ATN1: variants seen among roughly 807,000 people sequenced by gnomAD.
ATN1 encodes atrophin 1, also known as atrophin-1.
In ATN1, 19 loss-of-function variants were observed where a neutral mutation model predicts 85.8. That is an observed-to-expected ratio of 0.22 (90% CI 0.15 to 0.32). The LOEUF is 0.32. Ranked by LOEUF, ATN1 falls within the 10% of genes least tolerant of loss-of-function variation. ATN1 has a pLI of 1.00. For missense variants in ATN1, 1,453 were observed against 1,564.5 expected (o/e 0.93, Z 1.20); for synonymous variants, 674 against 657.0 (o/e 1.03, Z -0.39).
At chr12:6,931,587 G>C (rs1434751596) in intron 1 of ATN1, among the ~76,000 whole-genome samples, 1 of 151,418 alleles carries the variant, frequency 6.6e-6, no homozygotes, top group Non-Finnish European at 1.5e-5. Context: ...GGTGGTGTGC[G>C]CTTGTAATCC....
chr12:6,934,497 G>A lies in ATN1; in HGVS notation c.198G>A (p.Lys66=), dbSNP rs1555143350. The A allele has an allele frequency of 2.5e-6, 4 of 1,591,608 alleles. No individual in the cohort carries two copies. Among genetic ancestry groups the A allele is most frequent in the Non-Finnish European group, 3.4e-6 (4 of 1,168,560 alleles). ...KARVEEASTP[K]VNKQGRSEEI... is the part of the protein sequence containing the mutation. ...GAGTAGAGGAAGCCTCCACCCCAAA[G>A]GTCAACAAGCAGGGTCGGAGTGAGG... is the stretch of plus-strand genomic sequence containing the variant. The change falls in exon 4 of 10, where the codon AAG becomes AAA. Residue 66 remains lysine, a synonymous_variant. Coordinates refer to ENST00000396684, the MANE Select transcript of ATN1 (RefSeq NM_001940.4). This position sits in a 1 kb window ranked among gnomAD's most constrained non-coding sequence, Gnocchi z 4.5.
chr12:6,938,782 G>C lies in ATN1; in HGVS notation c.2819G>C (p.Arg940Pro). The C allele has an allele frequency of 3.1e-6, 5 of 1,614,078 alleles. No individual in the cohort carries two copies. The highest frequency in any genetic ancestry group is 4.2e-6 in the Non-Finnish European group (5 of 1,180,030). ...GAGAGGGAACGGGAAGCCCGTGAAC[G>C]AGACCTCCGTGACCGCCTCAAGCCT... ...AREREREARE[R>P]DLRDRLKPGF... Residue 940 changes from arginine (R) to proline (P), a missense_variant, in exon 7 of 10, where the codon CGA becomes CCA. By Grantham distance (103) the Arg-to-Pro change is moderately radical. Coordinates refer to ENST00000396684, the MANE Select transcript of ATN1 (RefSeq NM_001940.4).
chr12:6,939,066 G>A lies in ATN1; in HGVS notation c.3103G>A (p.Gly1035Ser). Residue 1035 changes from glycine to serine, a missense_variant, in exon 7 of 10, where the codon GGC becomes AGC. Physicochemically the swap from Gly to Ser is moderately conservative, Grantham distance 56. Coordinates refer to ENST00000396684, the MANE Select transcript of ATN1 (RefSeq NM_001940.4). ...GCACGCAGAAAGGGTGGCGGCCCTG[G>A]GCAATGACCCACTGGCCCGGCTGCA... ...RQHAERVAAL[G>S]NDPLARLQML... 6.2e-7 allele frequency: 1 copy of A among 1,604,802 alleles called. No homozygotes were observed. Among genetic ancestry groups the A allele is most frequent in the Non-Finnish European group, 8.5e-7 (1 of 1,179,972 alleles).
upstream of ATN1, among the ~76,000 whole-genome samples, chr12:6,925,689 T>TC (rs1555142525): frequency 6.6e-6 from 1 of 152,216 alleles, no homozygotes; most frequent in Non-Finnish European, 1.5e-5. Flanking sequence ...CTCTGGAATC[T>TC]TGTTTAGAGC....
rs1555143994 is a variant in ATN1, at chr12:6,937,486, C to A, written c.2219C>A (p.Pro740Gln). The A allele has an allele frequency of 6.5e-7, 1 of 1,545,870 alleles. No homozygotes were observed. The highest frequency in any genetic ancestry group is 2.4e-5 in the East Asian group (1 of 41,000). ...GAGGAGTATGAGACCCCCGAGAGCC[C>A]GGTGCCCCCAGCCCGCAGCCCCTCG... ...PAEEYETPES[P>Q]VPPARSPSPP... Residue 740 changes from proline to glutamine, a missense_variant, in exon 5 of 10, where the codon CCG (proline) becomes CAG (glutamine). Pro to Gln is a moderately conservative substitution (Grantham distance 76). Around this residue, in one of 6 missense-constraint regions of ATN1, gnomAD observed 990 missense variants for 914.8 expected, o/e 1.08. Coordinates refer to ENST00000396684, the MANE Select transcript of ATN1 (RefSeq NM_001940.4). The surrounding 1 kb of genome is among the most constrained non-coding windows in gnomAD (Gnocchi z 6.0).
Position 6,941,240 on chromosome 12 carries a change from A to G in ATN1, c.3359-134A>G. Reference sequence around the variant, plus strand: ...ATCCCAATTCCACCCTACCACTGGCAACTTACAGAACTGGGTGTGTTACCT... The same window carrying G: ...ATCCCAATTCCACCCTACCACTGGCGACTTACAGAACTGGGTGTGTTACCT... On this transcript the variant is annotated intron_variant, in intron 8 of 9. Coordinates refer to ENST00000396684, the MANE Select transcript of ATN1 (RefSeq NM_001940.4). The surrounding 1 kb of genome is among the most constrained non-coding windows in gnomAD (Gnocchi z 5.9). 1.6e-6 allele frequency: 2 copies of G among 1,253,420 alleles called. No individual in the cohort carries two copies. Among genetic ancestry groups the G allele is most frequent in the African/African-American group, 1.5e-5 (1 of 66,552 alleles). The allele number at this position is 1,253,420 out of a possible 1,614,324, so 77.6% of individuals were successfully genotyped here.
chr12:6,934,109 A>C lies in ATN1; in HGVS notation c.28-67A>C. 2 of 1,613,802 alleles carry C rather than the reference A, an allele frequency of 1.2e-6. No individual in the cohort carries two copies. Among genetic ancestry groups the C allele is most frequent in the Non-Finnish European group, 1.7e-6 (2 of 1,179,756 alleles). ...AAGGGTCTAGAGAAGAAGAACAAATAATGTGCACCATAAAGTTAGGTGCAA... is the reference window on the plus strand; with the variant it reads ...AAGGGTCTAGAGAAGAAGAACAAATCATGTGCACCATAAAGTTAGGTGCAA... On this transcript the variant is annotated intron_variant, in intron 2 of 9. Coordinates refer to ENST00000396684, the MANE Select transcript of ATN1 (RefSeq NM_001940.4). The surrounding 1 kb of genome is among the most constrained non-coding windows in gnomAD (Gnocchi z 4.5).
rs1945507084 is a variant in ATN1, at chr12:6,934,531, G to C, written c.232G>C (p.Glu78Gln). ...GCAGGGTCGGAGTGAGGAGATCTCA[G>C]AGAGTGAAAGTGAGGAGACCAATGC... ...NKQGRSEEISESESEETNAPK... is the reference protein window; with the variant it reads ...NKQGRSEEISQSESEETNAPK... Residue 78 changes from glutamate (E) to glutamine (Q), a missense_variant, in exon 4 of 10, where the codon GAG becomes CAG. By Grantham distance (29) the Glu-to-Gln change is conservative (BLOSUM62 2). Coordinates refer to ENST00000396684, the MANE Select transcript of ATN1 (RefSeq NM_001940.4). This position sits in a 1 kb window ranked among gnomAD's most constrained non-coding sequence, Gnocchi z 4.5. 1 of 1,579,388 alleles carries C rather than the reference G, an allele frequency of 6.3e-7. No homozygotes were observed. The highest frequency in any genetic ancestry group is 8.6e-7 in the Non-Finnish European group (1 of 1,161,906).
At position 6,936,120 on chromosome 12, in the gene ATN1, C is replaced by CTACCTTCTG; in HGVS notation, c.854_862dup (p.Ser287_Ala288insValProSer). ...TACCACTCCAGTGGGTGGTGGGAAC[C>CTACCTTCTG]TACCTTCTGCTCCACCACCAGCCAA... is the stretch of plus-strand genomic sequence containing the variant. On this transcript the variant is annotated inframe_insertion, in exon 5 of 10. Transcript: ENST00000396684. The CTACCTTCTG allele has an allele frequency of 6.5e-7, 1 of 1,530,232 alleles. No individual in the cohort carries two copies. Among genetic ancestry groups the CTACCTTCTG allele is most frequent in the South Asian group, 1.3e-5 (1 of 77,006 alleles). 94.8% of individuals were successfully genotyped at this position (1,530,232 alleles called of 1,614,324 possible).
chr12:6,927,973 A>G lies in ATN1; in HGVS notation c.-574A>G, dbSNP rs1945415712. ...GCGGGGGCCGCGGGCGAGGCGGCCG[A>G]GGGGCCCGGGATCGCGCGGGTGCGG... On this transcript the variant is annotated 5_prime_UTR_variant, in exon 1 of 10. Coordinates refer to ENST00000396684, the MANE Select transcript of ATN1 (RefSeq NM_001940.4). 7.2e-6 allele frequency among the ~76,000 whole-genome samples: 1 copy of G among 139,610 alleles called. No individual in the cohort carries two copies. The highest frequency in any genetic ancestry group is 7.0e-5 in the Admixed American group (1 of 14,322). 91.6% of individuals were successfully genotyped at this position (139,610 alleles called of 152,430 possible). A position where few individuals can be genotyped will look rare whatever the true frequency, so the allele number is the denominator to read the frequency against.
chr12:6,937,100 G>A lies in ATN1; in HGVS notation c.1833G>A (p.Ser611=). 1 of 1,612,332 alleles carries A rather than the reference G, an allele frequency of 6.2e-7. No individual in the cohort carries two copies. The highest frequency in any genetic ancestry group is 1.3e-5 in the African/African-American group (1 of 74,994). ...FPPVPTVTTS[S]ATLSTVIATV... Reference sequence around the variant, plus strand: ...CGGTGCCTACGGTCACCACCTCTTCGGCTACCCTTTCCACGGTCATTGCCA... The same window carrying A: ...CGGTGCCTACGGTCACCACCTCTTCAGCTACCCTTTCCACGGTCATTGCCA... The change falls in exon 5 of 10, where the codon TCG becomes TCA. Residue 611 remains serine (S), a synonymous_variant. Coordinates refer to ENST00000396684, the MANE Select transcript of ATN1 (RefSeq NM_001940.4). This position sits in a 1 kb window ranked among gnomAD's most constrained non-coding sequence, Gnocchi z 6.0.
At position 6,934,430 on chromosome 12, in the gene ATN1, G is replaced by A; in HGVS notation, c.166-35G>A. The A allele has an allele frequency of 1.9e-6, 3 of 1,600,114 alleles. No individual in the cohort carries two copies. Among genetic ancestry groups the A allele is most frequent in the Non-Finnish European group, 2.6e-6 (3 of 1,172,534 alleles). On this transcript the variant is annotated intron_variant, in intron 3 of 9. Transcript: ENST00000396684. The surrounding 1 kb of genome is among the most constrained non-coding windows in gnomAD (Gnocchi z 4.5). ...GGTAACGGTGGAGCTCGGGAGGTAG[G>A]GAAAAGACAGGAATTTTCTCTTTCT...
At position 6,935,961 on chromosome 12, in the gene ATN1, C is replaced by G; in HGVS notation, c.694C>G (p.Pro232Ala). 1 of 1,591,332 alleles carries G rather than the reference C, an allele frequency of 6.3e-7. No homozygotes were observed. The highest frequency in any genetic ancestry group is 8.6e-7 in the Non-Finnish European group (1 of 1,167,656). ...CACTGGTGGAGTTTTGTCTGGACCCCCAATGGGTCCCAAGGGGGGAGGGGC... is the reference window on the plus strand; with the variant it reads ...CACTGGTGGAGTTTTGTCTGGACCCGCAATGGGTCCCAAGGGGGGAGGGGC... ...GGTGGVLSGP[P>A]MGPKGGGAAS... is the part of the protein sequence containing the mutation. The change falls in exon 5 of 10, where the codon CCA becomes GCA. Residue 232 changes from proline to alanine, a missense_variant. Pro to Ala is a conservative substitution (Grantham distance 27). Transcript: ENST00000396684. This position sits in a 1 kb window ranked among gnomAD's most constrained non-coding sequence, Gnocchi z 5.3.
chr12:6,928,914 G>A (rs1945430566), intron 1 of ATN1, among the ~76,000 whole-genome samples: 1 of 152,168 alleles, frequency 6.6e-6, no homozygotes, highest in South Asian at 2.1e-4. Context: ...GTGGTAGGTG[G>A]AAAGAGGGAT....
intron 1 of ATN1, among the ~76,000 whole-genome samples, chr12:6,931,755 C>G (rs1456381381): frequency 1.0e-4 from 15 of 150,664 alleles, no homozygotes; most frequent in Non-Finnish European, 1.3e-4. Context: ...ACTAGTTGGC[C>G]GGGCACAGTG....
At position 6,934,243 on chromosome 12, in the gene ATN1, G is replaced by A; in HGVS notation, c.95G>A (p.Arg32Gln). 1 of 1,587,428 alleles carries A rather than the reference G, an allele frequency of 6.3e-7. No homozygotes were observed. Among genetic ancestry groups the A allele is most frequent in the Non-Finnish European group, 8.5e-7 (1 of 1,173,558 alleles). ...GPREELRSRG[R>Q]ASPGGVSTSS... ...CGGGAAGAACTGAGATCGAGGGGCCGGGCCTCCCCTGGAGGGGTCAGCACG... is the reference window on the plus strand; with the variant it reads ...CGGGAAGAACTGAGATCGAGGGGCCAGGCCTCCCCTGGAGGGGTCAGCACG... Residue 32 changes from arginine to glutamine, a missense_variant, in exon 3 of 10, where the codon CGG becomes CAG. Coordinates refer to ENST00000396684, the MANE Select transcript of ATN1 (RefSeq NM_001940.4). This position sits in a 1 kb window ranked among gnomAD's most constrained non-coding sequence, Gnocchi z 4.5.
In ATN1 at chr12:6,936,069, A is replaced by G. The variant is rs143136221; in HGVS notation, c.802A>G (p.Ser268Gly). 5 of 1,542,272 alleles carry G rather than the reference A, an allele frequency of 3.2e-6. No homozygotes were observed. The highest frequency in any genetic ancestry group is 3.5e-6 in the Non-Finnish European group (4 of 1,145,408). Reference protein sequence around the residue: ...TPISVSSSGASGAPPTKPPTT... With the variant: ...TPISVSSSGAGGAPPTKPPTT... ...CATTTCAGTATCAAGCTCTGGGGCTAGTGGTGCTCCCCCAACAAAGCCGCC... is the reference window on the plus strand; with the variant it reads ...CATTTCAGTATCAAGCTCTGGGGCTGGTGGTGCTCCCCCAACAAAGCCGCC... The change falls in exon 5 of 10, where the codon AGT becomes GGT. Residue 268 changes from serine to glycine, a missense_variant. By Grantham distance (56) the Ser-to-Gly change is moderately conservative (BLOSUM62 0). Around this residue, in one of 6 missense-constraint regions of ATN1, gnomAD observed 990 missense variants for 914.8 expected, o/e 1.08. Transcript: ENST00000396684.
At position 6,941,713 on chromosome 12, in the gene ATN1, C is replaced by G. The variant is rs782307276; in HGVS notation, c.3540-34C>G. The G allele has an allele frequency of 5.6e-6, 9 of 1,612,794 alleles. No individual in the cohort carries two copies. Among genetic ancestry groups the G allele is most frequent in the Non-Finnish European group, 7.6e-6 (9 of 1,178,826 alleles). The stretch of plus-strand genomic sequence containing the variant: ...CAAGGTCAGAGTTGGTCTCAAGTCT[C>G]TTACCTCTCTGCTATGCACTGCCCC... On this transcript the variant is annotated intron_variant, in intron 9 of 9. Coordinates refer to ENST00000396684, the MANE Select transcript of ATN1 (RefSeq NM_001940.4). This position sits in a 1 kb window ranked among gnomAD's most constrained non-coding sequence, Gnocchi z 5.9.
At position 6,935,385 on chromosome 12, in the gene ATN1, T is replaced by G. The variant is rs183101318; in HGVS notation, c.280-162T>G. 6.6e-6 allele frequency among the ~76,000 whole-genome samples: 1 copy of G among 151,838 alleles called. No individual in the cohort carries two copies. Among genetic ancestry groups the G allele is most frequent in the East Asian group, 1.9e-4 (1 of 5,174 alleles). On this transcript the variant is annotated intron_variant, in intron 4 of 9. Transcript: ENST00000396684. The surrounding 1 kb of genome is among the most constrained non-coding windows in gnomAD (Gnocchi z 5.3). The stretch of plus-strand genomic sequence containing the variant: ...GGAGCAGCCAAGAATGTGAGGAAAG[T>G]GAGAAATCCCCAGATGGTAAGAGGT...
Sources: allele counts gnomAD v4.1 joint callset (sites outside exome capture counted in the v4.1 genomes callset), GRCh38; gene constraint gnomAD v4.1.1; regional missense constraint gnomAD v4.1.1; non-coding constraint Gnocchi (gnomAD v3.1); transcripts MANE v1.5; gene names NCBI Gene and HGNC (gene_info 2026-07-23, HGNC 2026-07-21).